Variants in GRID2 observed in about 807,000 individuals in gnomAD.
GRID2 encodes the protein glutamate receptor ionotropic, delta-2.
GRID2 carries 33 observed loss-of-function variants against 114.8 expected under a neutral mutation model. The ratio of observed to expected loss-of-function variants is 0.29; its 90% CI spans 0.22 to 0.38. The LOEUF (loss-of-function observed/expected upper bound fraction) is 0.38, where lower values mean the gene tolerates loss of function less well. GRID2 is among the 10% of genes least tolerant of loss of function. The probability of loss-of-function intolerance (pLI) is 1.00; values close to 1 mark genes in which losing one functional copy is unlikely to be tolerated. For synonymous variants in GRID2, 505 were observed against 449.9 expected (o/e 1.12, Z -1.55); for missense variants, 1,184 against 1,257.7 (o/e 0.94, Z 0.89).
At chr4:93,319,501 A>G (rs1430716569) in intron 8 of GRID2, 1 of 152,008 alleles carries the variant, frequency 6.6e-6, no homozygotes, top group Admixed American at 6.6e-5. Context: ...CCCCATTAAT[A>G]TGTTATATTC....
chr4:93,184,171 G>C (rs1462596890), intron 4 of GRID2, among the ~76,000 whole-genome samples: 3 of 152,120 alleles, frequency 2.0e-5, no homozygotes, highest in Non-Finnish European at 4.4e-5. Context: ...GAAATGTGTA[G>C]TCAGGAACAA....
intron 2 of GRID2, among the ~76,000 whole-genome samples, chr4:92,749,481 ATTTTTATATT>A (rs1737332823): frequency 1.3e-5 from 2 of 150,744 alleles, no homozygotes; most frequent in South Asian, 4.2e-4. Flanking sequence ...CACCTGGCTA[ATTTTTATATT>A]TTTAGTAGAG....
At chr4:92,348,794 C>G (rs978742786) in intron 1 of GRID2, among the ~76,000 whole-genome samples, 7 of 152,130 alleles carry the variant, frequency 4.6e-5, no homozygotes, top group Admixed American at 4.6e-4. Flanking sequence ...AGATAACAAC[C>G]AAAAGTTGTC....
chr4:92,309,302 GT>G (rs965660772), intron 1 of GRID2, among the ~76,000 whole-genome samples: 4 of 151,588 alleles, frequency 2.6e-5, no homozygotes, highest in South Asian at 2.1e-4. Flanking sequence ...TAATCCAGAA[GT>G]TTTTTTTCTT....
intron 2 of GRID2, among the ~76,000 whole-genome samples, chr4:92,697,058 C>G (rs959166615): frequency 1.3e-5 from 2 of 152,198 alleles, no homozygotes; most frequent in Admixed American, 1.3e-4. Flanking sequence ...CATTTGAACG[C>G]TTACAGTGGC....
At chr4:93,752,311 T>A (rs1009013571) in intron 14 of GRID2, among the ~76,000 whole-genome samples, 7 of 152,120 alleles carry the variant, frequency 4.6e-5, no homozygotes, top group Non-Finnish European at 7.4e-5. Flanking sequence ...CAGGAAGTAA[T>A]GATAACAGAA....
At chr4:93,128,038 A>AAAC (rs1560908367) in intron 4 of GRID2, among the ~76,000 whole-genome samples, 4 of 142,524 alleles carry the variant, frequency 2.8e-5, no homozygotes, top group Non-Finnish European at 6.0e-5. Context: ...AAAAAAAAAA[A>AAAC]AAAAAAAAAA....
At chr4:92,429,043 G>A (rs903328008) in intron 1 of GRID2, among the ~76,000 whole-genome samples, 7 of 152,032 alleles carry the variant, frequency 4.6e-5, no homozygotes, top group African/African-American at 1.7e-4. Context: ...GCCCCAGTGT[G>A]TGATATTCCT....
chr4:93,301,926 C>T (rs575838365), intron 8 of GRID2, among the ~76,000 whole-genome samples: 3 of 151,966 alleles, frequency 2.0e-5, no homozygotes, highest in African/African-American at 7.3e-5. Context: ...TTCTTGAGAG[C>T]CACCTACATA....
chr4:93,379,478 G>A (rs904580886), intron 8 of GRID2, among the ~76,000 whole-genome samples: 3 of 152,014 alleles, frequency 2.0e-5, no homozygotes. Flanking sequence ...GAGCAAAAAG[G>A]GGAGAGATCT....
chr4:92,867,177 A>T (rs539520366), intron 2 of GRID2, among the ~76,000 whole-genome samples: 1 of 152,156 alleles, frequency 6.6e-6, no homozygotes, highest in Non-Finnish European at 1.5e-5. Context: ...ATTTTTTATT[A>T]ATAACATATT....
chr4:93,046,020 C>T (rs2149274763), intron 2 of GRID2, among the ~76,000 whole-genome samples: 1 of 152,084 alleles, frequency 6.6e-6, no homozygotes, highest in Non-Finnish European at 1.5e-5. Flanking sequence ...AGAATGTCAA[C>T]CAAAGATAGA....
chr4:93,461,491 T>C (rs564629825), intron 11 of GRID2, among the ~76,000 whole-genome samples: 1 of 152,158 alleles, frequency 6.6e-6, no homozygotes, highest in Admixed American at 6.5e-5. Flanking sequence ...CTATACCAGA[T>C]TGAATAGGGA....
rs553323663 is a variant in GRID2 at position 92,783,051 on chromosome 4, A to T, written c.244+192765A>T. Among the ~76,000 whole-genome samples, 6 of 152,200 alleles carry T rather than the reference A, an allele frequency of 3.9e-5. No individual in the cohort carries two copies. In the South Asian group the frequency reaches 1.2e-3, roughly 32 times the overall value. ...TATCAATGTGTTGGTAAAATGTCCAATTGAGTTAATACATTATTATTAAAA... is the reference window on the plus strand; with the variant it reads ...TATCAATGTGTTGGTAAAATGTCCATTTGAGTTAATACATTATTATTAAAA... On this transcript the variant is annotated intron_variant, in intron 2 of 15. Transcript: ENST00000282020.
chr4:93,534,638 C>T (rs1403708001), intron 13 of GRID2, among the ~76,000 whole-genome samples: 2 of 151,932 alleles, frequency 1.3e-5, no homozygotes, highest in African/African-American at 4.8e-5. Context: ...AAAATAACCC[C>T]CAAAAAATTA....
intron 1 of GRID2, among the ~76,000 whole-genome samples, chr4:92,423,028 A>G (rs575057583): frequency 6.6e-6 from 1 of 152,258 alleles, no homozygotes; most frequent in East Asian, 1.9e-4. Flanking sequence ...TTGGGTTTTA[A>G]AACACCTCAG....
At chr4:93,499,683 G>A (rs1165992481) in intron 12 of GRID2, among the ~76,000 whole-genome samples, 1 of 151,880 alleles carries the variant, frequency 6.6e-6, no homozygotes, top group African/African-American at 2.4e-5. Flanking sequence ...CAAAGACTAT[G>A]TTATATCCAT....
chr4:92,803,989 C>T (rs1740293676), intron 2 of GRID2, among the ~76,000 whole-genome samples: 1 of 151,804 alleles, frequency 6.6e-6, no homozygotes. Flanking sequence ...GGCAGCATCA[C>T]TTCAGTCTGG....
chr4:93,064,439 A>C (rs1319503722), intron 2 of GRID2, among the ~76,000 whole-genome samples: 1 of 151,900 alleles, frequency 6.6e-6, no homozygotes, highest in African/African-American at 2.4e-5. Context: ...AACAGCATTT[A>C]CTAGCTCCTT....
Sources: allele counts gnomAD v4.1 joint callset (sites outside exome capture counted in the v4.1 genomes callset), GRCh38; gene constraint gnomAD v4.1.1; transcripts MANE v1.5; gene names NCBI Gene and HGNC (gene_info 2026-07-23, HGNC 2026-07-21).